UBE3D: variants seen among roughly 807,000 people sequenced by gnomAD.
UBE3D encodes ubiquitin protein ligase E3D, also known as E3 ubiquitin-protein ligase E3D.
A neutral mutation model predicts 49.6 loss-of-function variants in UBE3D; 48 were observed. The ratio of observed to expected loss-of-function variants is 0.97; its 90% CI spans 0.77 to 1.23. UBE3D has a LOEUF of 1.23. Ranked by LOEUF, UBE3D falls within the 50% of genes most tolerant of loss-of-function variation. The pLI is 0.00. For synonymous variants in UBE3D, 189 were observed against 174.2 expected (o/e 1.08, Z -0.67); for missense variants, 452 against 468.4 (o/e 0.96, Z 0.32).
rs70987727 is a variant in UBE3D, at chr6:82,985,008, C to CTTTTTTTT, written c.1011-27566_1011-27559dup. On this transcript the variant is annotated intron_variant, in intron 8 of 9. Transcript: ENST00000369747. ...AATTTTTTTCTTTCTTCTTCTTCTT[C>CTTTTTTTT]TTTTTTTTTTTTTTTTTTTTTTTTG... 7.2e-3 allele frequency among the ~76,000 whole-genome samples: 380 copies of CTTTTTTTT among 52,824 alleles called. 4 individuals carry two copies. The highest frequency in any genetic ancestry group is 0.017 in the Middle Eastern group (1 of 58). The allele number at this position is 52,824 out of a possible 152,430, so 34.7% of individuals were successfully genotyped here.
intron 8 of UBE3D, among the ~76,000 whole-genome samples, chr6:82,999,533 C>T (rs927260020): frequency 6.6e-6 from 1 of 152,072 alleles, no homozygotes; most frequent in African/African-American, 2.4e-5. Flanking sequence ...TATAGGTGCA[C>T]ACCACCACAC....
intron 5 of UBE3D, 141 bp downstream of exon 5, chr6:83,038,275 T>G: frequency 1.6e-6 from 1 of 640,576 alleles, no homozygotes; most frequent in South Asian, 2.0e-5. Context: ...GGATGGTATG[T>G]TACTTGGGGT....
At chr6:83,026,683 T>TGTATTATTAATAA (rs1781484777) in intron 5 of UBE3D, among the ~76,000 whole-genome samples, 1 of 152,096 alleles carries the variant, frequency 6.6e-6, no homozygotes, top group Admixed American at 6.5e-5. Context: ...CTTTATGAAA[T>TGTATTATTAATAA]GCCTATGTAT....
intron 8 of UBE3D, among the ~76,000 whole-genome samples, chr6:83,015,268 T>G (rs1780621118): frequency 6.6e-6 from 1 of 152,178 alleles, no homozygotes. Context: ...CCAGCTGGGA[T>G]GAGTAGATCT....
downstream of UBE3D, among the ~76,000 whole-genome samples, chr6:82,891,015 G>C (rs1388830954): frequency 3.8e-5 from 5 of 131,648 alleles, no homozygotes; most frequent in Non-Finnish European, 7.7e-5. Flanking sequence ...CTAAGAAACA[G>C]TCACACATAA....
intron 9 of UBE3D, among the ~76,000 whole-genome samples, chr6:82,902,823 T>C (rs1771835083): frequency 6.6e-6 from 1 of 152,212 alleles, no homozygotes; most frequent in South Asian, 2.1e-4. Flanking sequence ...TATGTTTTTG[T>C]GCAGTGAAGA....
chr6:82,965,897 G>T (rs1249726244), intron 8 of UBE3D, among the ~76,000 whole-genome samples: 1 of 152,070 alleles, frequency 6.6e-6, no homozygotes, highest in African/African-American at 2.4e-5. Flanking sequence ...TATTTTGGAG[G>T]AAATCCCAGA....
intron 8 of UBE3D, among the ~76,000 whole-genome samples, chr6:82,991,620 C>G (rs1360837937): frequency 6.6e-6 from 1 of 151,984 alleles, no homozygotes; most frequent in South Asian, 2.1e-4. Context: ...AAATCCTCCT[C>G]CTCCAAATTC....
chr6:82,953,443 T>C (rs1002333482), intron 9 of UBE3D, among the ~76,000 whole-genome samples: 28 of 152,342 alleles, frequency 1.8e-4, no homozygotes, highest in Admixed American at 1.8e-3. Flanking sequence ...TTTGCTGACA[T>C]ATCTTAAATC....
At chr6:83,012,986 T>C (rs1780450986) in intron 8 of UBE3D, among the ~76,000 whole-genome samples, 1 of 152,118 alleles carries the variant, frequency 6.6e-6, no homozygotes, top group Admixed American at 6.5e-5. Flanking sequence ...CATAGGGAAC[T>C]CCCCATGAGG....
the UBE3D span, among the ~76,000 whole-genome samples, chr6:82,883,507 C>T: frequency 7.2e-5 from 11 of 152,256 alleles, no homozygotes; most frequent in Admixed American, 4.6e-4. Flanking sequence ...CCTCAAAGAG[C>T]GCCCACGCTT....
intron 3 of UBE3D, 150 bp downstream of exon 3, chr6:83,053,998 T>C (rs1318653408): frequency 1.6e-6 from 1 of 623,820 alleles, no homozygotes; most frequent in African/African-American, 1.8e-5. Flanking sequence ...CTAGCAAGTT[T>C]TGTGGCTAAT....
intron 9 of UBE3D, among the ~76,000 whole-genome samples, chr6:82,952,803 GA>G (rs1203797492): frequency 6.6e-6 from 1 of 152,144 alleles, no homozygotes. Flanking sequence ...GCACAACTAA[GA>G]AATCAGAATT....
At chr6:83,016,374 T>G in intron 8 of UBE3D, among the ~76,000 whole-genome samples, 1 of 152,192 alleles carries the variant, frequency 6.6e-6, no homozygotes, top group East Asian at 1.9e-4. Context: ...GTATGTATTT[T>G]GCATAACTCT....
chr6:82,988,985 C>T (rs766963676), intron 8 of UBE3D, among the ~76,000 whole-genome samples: 1 of 151,992 alleles, frequency 6.6e-6, no homozygotes, highest in Non-Finnish European at 1.5e-5. Context: ...CACAACACTA[C>T]ACAAAAATAG....
intron 9 of UBE3D, among the ~76,000 whole-genome samples, chr6:82,909,907 T>G (rs1021008800): frequency 3.3e-5 from 5 of 152,160 alleles, no homozygotes; most frequent in African/African-American, 9.7e-5. Context: ...ACTTCACTGT[T>G]TAAAATGGCA....
At chr6:82,935,471 G>A (rs998267657) in intron 9 of UBE3D, among the ~76,000 whole-genome samples, 2 of 152,080 alleles carry the variant, frequency 1.3e-5, no homozygotes, top group African/African-American at 4.8e-5. Context: ...ATAGAAGGTC[G>A]GAATGAGGAA....
chr6:83,054,244 G>T lies in UBE3D; in HGVS notation c.275-6C>A. ...ATTAAACATTGAAATCAGTTCTAAAGGAAGTCAATGAAATAGCTAATCTTA... is the reference window on the plus strand; with the variant it reads ...ATTAAACATTGAAATCAGTTCTAAATGAAGTCAATGAAATAGCTAATCTTA... On this transcript the variant is annotated splice_region_variant and splice_polypyrimidine_tract_variant and intron_variant, in intron 2 of 9. Coordinates refer to ENST00000369747, the MANE Select transcript of UBE3D (RefSeq NM_198920.3). 2 of 1,609,064 alleles carry T rather than the reference G, an allele frequency of 1.2e-6. No individual in the cohort carries two copies. Among genetic ancestry groups the T allele is most frequent in the Non-Finnish European group, 1.7e-6 (2 of 1,175,604 alleles).
chr6:83,004,934 T>C (rs1160769048), intron 8 of UBE3D, among the ~76,000 whole-genome samples: 1 of 152,132 alleles, frequency 6.6e-6, no homozygotes, highest in Non-Finnish European at 1.5e-5. Flanking sequence ...TTGGCAATGA[T>C]ATCTTGGAAA....
Sources: allele counts gnomAD v4.1 joint callset (sites outside exome capture counted in the v4.1 genomes callset), GRCh38; gene constraint gnomAD v4.1.1; transcripts MANE v1.5; gene names NCBI Gene and HGNC (gene_info 2026-07-23, HGNC 2026-07-21).